Variants in CTTNBP2 observed in about 807,000 individuals in gnomAD.
The protein encoded by CTTNBP2 is cortactin-binding protein 2.
Under a neutral mutation model 156.9 loss-of-function variants are expected in CTTNBP2, and 108 were observed. The ratio of observed to expected loss-of-function variants is 0.69; its 90% CI spans 0.59 to 0.81. CTTNBP2 has a LOEUF of 0.81. Ranked by LOEUF, CTTNBP2 falls within the 30% of genes least tolerant of loss-of-function variation. CTTNBP2 has a pLI of 0.00. For synonymous variants in CTTNBP2, 767 were observed against 751.8 expected, an observed-to-expected ratio of 1.02 and a Z score of -0.33; for missense variants, 1,924 against 2,035.4, an observed-to-expected ratio of 0.95 and a Z score of 1.05.
intron 3 of CTTNBP2, among the ~76,000 whole-genome samples, chr7:117,798,610 AT>A (rs1325315476): frequency 6.6e-6 from 1 of 152,178 alleles, no homozygotes; most frequent in Non-Finnish European, 1.5e-5. Context: ...TAAGGCCGAT[AT>A]GGCTTTAAAT....
chr7:117,778,401 G>A (rs1057334387), intron 7 of CTTNBP2, among the ~76,000 whole-genome samples: 1 of 152,148 alleles, frequency 6.6e-6, no homozygotes, highest in Non-Finnish European at 1.5e-5. Flanking sequence ...AAATTATTGT[G>A]TCTGTTTTCT....
At chr7:117,814,687 C>T (rs1475411971) in intron 2 of CTTNBP2, among the ~76,000 whole-genome samples, 2 of 152,206 alleles carry the variant, frequency 1.3e-5, no homozygotes, top group Admixed American at 6.5e-5. Context: ...CTCAGCCTCA[C>T]AAAGTACTGG....
chr7:117,781,752 A>G (rs916514442), intron 6 of CTTNBP2, among the ~76,000 whole-genome samples: 1 of 152,182 alleles, frequency 6.6e-6, no homozygotes, highest in Non-Finnish European at 1.5e-5. Flanking sequence ...AAGAAAGAAA[A>G]AAATCCATCC....
chr7:117,852,290 T>C (rs1228463763), intron 2 of CTTNBP2, among the ~76,000 whole-genome samples: 2 of 138,554 alleles, frequency 1.4e-5, no homozygotes, highest in Admixed American at 7.2e-5. Context: ...GTTTTGCATA[T>C]ACAAAACCAA....
intron 8 of CTTNBP2, among the ~76,000 whole-genome samples, chr7:117,774,675 CA>C (rs1191804060): frequency 1.3e-5 from 2 of 148,442 alleles, no homozygotes; most frequent in African/African-American, 4.9e-5. Flanking sequence ...TCCCTGCTGC[CA>C]AAAAGGTTGG....
intron 8 of CTTNBP2, among the ~76,000 whole-genome samples, chr7:117,771,612 T>A (rs1797801609): frequency 6.6e-6 from 1 of 152,156 alleles, no homozygotes; most frequent in Non-Finnish European, 1.5e-5. Flanking sequence ...TACTGAAAGA[T>A]TACGCTGGAA....
At chr7:117,747,806 C>T (rs1481202240) in intron 12 of CTTNBP2, among the ~76,000 whole-genome samples, 2 of 152,080 alleles carry the variant, frequency 1.3e-5, no homozygotes, top group Admixed American at 6.6e-5. Context: ...GAGGTTTGGC[C>T]TCTAAGGAGA....
At chr7:117,855,646 A>G (rs1803259547) in intron 2 of CTTNBP2, among the ~76,000 whole-genome samples, 1 of 152,354 alleles carries the variant, frequency 6.6e-6, no homozygotes, top group Non-Finnish European at 1.5e-5. Flanking sequence ...CCAAATATCA[A>G]CAGTGCTGAG....
intron 2 of CTTNBP2, among the ~76,000 whole-genome samples, chr7:117,853,550 T>C (rs1383323004): frequency 6.6e-6 from 1 of 152,136 alleles, no homozygotes; most frequent in Non-Finnish European, 1.5e-5. Context: ...TAAAATGTAA[T>C]CAGAATGCCT....
In CTTNBP2 at chr7:117,791,245, A is replaced by G. The variant is rs1798985468; in HGVS notation, c.1951T>C (p.Cys651Arg). The G allele has an allele frequency of 4.3e-6, 7 of 1,614,068 alleles. No individual in the cohort carries two copies. The highest frequency in any genetic ancestry group is 5.9e-6 in the Non-Finnish European group (7 of 1,180,018). The change falls in exon 4 of 23, where the codon TGT becomes CGT. Residue 651 changes from cysteine (C) to arginine (R), a missense_variant. Cys to Arg is a radical substitution (Grantham distance 180, BLOSUM62 -3). Transcript: ENST00000160373. ...GGAATGACAAGGGAACTGTCTGAAC[A>G]TGCAGGTTGGTTCAGTCCGGGGGTT... ...AATPGLNQPACSDSSLVIPTT... is the reference protein window; with the variant it reads ...AATPGLNQPARSDSSLVIPTT...
intron 1 of CTTNBP2, 147 bp from the exon 2 acceptor site, chr7:117,861,463 G>A (rs1041303969): frequency 2.0e-5 from 12 of 614,310 alleles, no homozygotes; most frequent in Admixed American, 1.4e-4. Context: ...GACAATTTAC[G>A]CCTTGACCTT....
At chr7:117,819,394 C>T (rs1800818073) in intron 2 of CTTNBP2, among the ~76,000 whole-genome samples, 1 of 151,234 alleles carries the variant, frequency 6.6e-6, no homozygotes, top group African/African-American at 2.4e-5. Flanking sequence ...CACACACACA[C>T]ACACACACAC....
At chr7:117,730,070 C>T (rs978110039) in intron 16 of CTTNBP2, among the ~76,000 whole-genome samples, 2 of 152,134 alleles carry the variant, frequency 1.3e-5, no homozygotes, top group African/African-American at 2.4e-5. Context: ...GATCTGATCC[C>T]CCACCTAGTA....
At position 117,791,707 on chromosome 7, in the gene CTTNBP2, A is replaced by G. The variant is rs767501483; in HGVS notation, c.1489T>C (p.Ser497Pro). 1.6e-5 allele frequency: 26 copies of G among 1,614,040 alleles called. No homozygotes were observed. The highest frequency in any genetic ancestry group is 4.0e-5 in the African/African-American group (3 of 74,920). ...CCTGCTTGAGGGCTTGTAAATCTTG[A>G]CAGTGCTTGGGTCACAGTATTCCGA... ...LARNTVTQALSRFTSPQAGAP... is the reference protein window; with the variant it reads ...LARNTVTQALPRFTSPQAGAP... The change falls in exon 4 of 23, where the codon TCA becomes CCA. Residue 497 changes from serine to proline, a missense_variant. Physicochemically the swap from Ser to Pro is moderately conservative, Grantham distance 74 (BLOSUM62 -1). Transcript: ENST00000160373.
Position 117,763,516 on chromosome 7 carries a change from T to G in CTTNBP2, c.2897-2806A>C, listed in dbSNP as rs146868645. 1.7e-3 allele frequency among the ~76,000 whole-genome samples: 264 copies of G among 152,048 alleles called. 3 individuals carry two copies. The highest frequency in any genetic ancestry group is 0.014 in the Middle Eastern group (4 of 294). On this transcript the variant is annotated intron_variant, in intron 9 of 22. Coordinates refer to ENST00000160373, the MANE Select transcript of CTTNBP2 (RefSeq NM_033427.3). ...TTCCTGTTGGAAAGGTCTCCTAACT[T>G]GAATCCAATTACACCATTGTTTTCT...
chr7:117,820,986 A>G (rs1265055624), intron 2 of CTTNBP2, among the ~76,000 whole-genome samples: 2 of 152,106 alleles, frequency 1.3e-5, no homozygotes. Flanking sequence ...TTATTCTTAT[A>G]TTTTTTATGC....
intron 14 of CTTNBP2, among the ~76,000 whole-genome samples, chr7:117,742,624 AGTAAGATG>A (rs567415690): frequency 3.0e-4 from 45 of 152,280 alleles, no homozygotes; most frequent in Middle Eastern, 6.8e-3. Context: ...GGAGGCATAA[AGTAAGATG>A]GTGCTGATGG....
At chr7:117,757,261 G>A (rs1183569669) in intron 11 of CTTNBP2, among the ~76,000 whole-genome samples, 2 of 152,122 alleles carry the variant, frequency 1.3e-5, no homozygotes, top group East Asian at 3.9e-4. Context: ...ATCCATAGCT[G>A]TTTAGCATCA....
chr7:117,738,429 A>G (rs568118719), intron 14 of CTTNBP2, among the ~76,000 whole-genome samples: 2 of 152,298 alleles, frequency 1.3e-5, no homozygotes, highest in Non-Finnish European at 1.5e-5. Flanking sequence ...TGAGGAGGAA[A>G]GAAATAGGAG....
Sources: allele counts gnomAD v4.1 joint callset (sites outside exome capture counted in the v4.1 genomes callset), GRCh38; gene constraint gnomAD v4.1.1; transcripts MANE v1.5; gene names NCBI Gene and HGNC (gene_info 2026-07-23, HGNC 2026-07-21).